Variants in EDARADD observed in about 807,000 individuals in gnomAD.
EDARADD encodes the protein ectodysplasin-A receptor-associated adapter protein.
Under a neutral mutation model 25.6 loss-of-function variants are expected in EDARADD, and 20 were observed. That is an observed-to-expected ratio of 0.78 (90% CI 0.55 to 1.14). The LOEUF (loss-of-function observed/expected upper bound fraction) is 1.14. Among genes scored for constraint, EDARADD ranks in the 50% most tolerant of loss-of-function variants. EDARADD has a pLI of 0.00. For synonymous variants in EDARADD, 86 were observed against 94.4 expected, an observed-to-expected ratio of 0.91 and a Z score of 0.52; for missense variants, 225 against 270.1, an observed-to-expected ratio of 0.83 and a Z score of 1.17.
chr1:236,453,475 G>A (rs577300134), intron 4 of EDARADD, among the ~76,000 whole-genome samples: 7 of 152,032 alleles, frequency 4.6e-5, no homozygotes, highest in East Asian at 3.9e-4. Context: ...ATGGGGTTTC[G>A]ACACATTGGC....
At position 236,479,085 on chromosome 1, in the gene EDARADD, G is replaced by A. The variant is rs145085937; in HGVS notation, c.266-3182G>A. Among the ~76,000 whole-genome samples the A allele has an allele frequency of 6.2e-4, 94 of 152,136 alleles. No individual in the cohort carries two copies. The East Asian group carries it at 9.1e-3, about 15-fold the overall frequency. On this transcript the variant is annotated intron_variant, in intron 5 of 5. Coordinates refer to ENST00000334232, the MANE Select transcript of EDARADD (RefSeq NM_145861.4). ...GCAGTGTATACTGCTCGGGTGATGG[G>A]TGCACCAAAATCTCATAAATCACCA...
chr1:236,417,872 T>C (rs1490121638), intron 3 of EDARADD, among the ~76,000 whole-genome samples: 4 of 152,148 alleles, frequency 2.6e-5, no homozygotes, highest in Non-Finnish European at 5.9e-5. Flanking sequence ...CCTGCTCTTT[T>C]CTTTGATTAT....
At chr1:236,348,839 G>A (rs947379406) in exon 2 of EDARADD, 2 of 152,138 alleles carry the variant, frequency 1.3e-5, no homozygotes, top group African/African-American at 4.8e-5. Flanking sequence ...CTCTCACTGA[G>A]TGCCCTATCA....
At chr1:236,402,963 C>T (rs1470935325) in intron 1 of EDARADD, among the ~76,000 whole-genome samples, 2 of 149,134 alleles carry the variant, frequency 1.3e-5, no homozygotes, top group African/African-American at 4.9e-5. Flanking sequence ...CTTGTCTTTT[C>T]TTTTTTTTTT....
At chr1:236,412,751 C>T (rs1364183264) in intron 2 of EDARADD, among the ~76,000 whole-genome samples, 1 of 152,220 alleles carries the variant, frequency 6.6e-6, no homozygotes, top group Non-Finnish European at 1.5e-5. Flanking sequence ...TTCTTCCATG[C>T]AGACTTTCAG....
chr1:236,394,593 T>A (rs1667481604), intron 1 of EDARADD, 88 bp downstream of exon 1: 2 of 1,172,520 alleles, frequency 1.7e-6, no homozygotes, highest in Non-Finnish European at 2.5e-6. Context: ...TTGGATATAT[T>A]ATACACTAAA....
At chr1:236,372,528 CTCT>C (rs1015918880) in intron 3 of EDARADD, among the ~76,000 whole-genome samples, 18 of 152,224 alleles carry the variant, frequency 1.2e-4, no homozygotes, top group African/African-American at 3.9e-4. Context: ...TTTGTAGTTT[CTCT>C]TCTTGTAACA....
In EDARADD at chr1:236,362,990, A is replaced by G. The variant is rs1360344283; in HGVS notation, c.-6+12151A>G. Among the ~76,000 whole-genome samples the G allele has an allele frequency of 1.4e-3, 85 of 61,702 alleles. 2 individuals carry two copies. The highest frequency in any genetic ancestry group is 3.8e-3 in the East Asian group (3 of 796). The allele number at this position is 61,702 out of a possible 152,430, so 40.5% of individuals were successfully genotyped here. A position where few individuals can be genotyped will look rare whatever the true frequency, so the allele number is the denominator to read the frequency against. ...AGACTCTGTCTTCTTTTTTTAAGAA[A>G]AAAAAAAAAAAAAAAAATATATATA... On this transcript the variant is annotated intron_variant, in intron 3 of 7. Transcript: ENST00000439430.
intron 3 of EDARADD, among the ~76,000 whole-genome samples, chr1:236,374,246 T>TTCCCTCCC (rs996313977): frequency 6.7e-6 from 1 of 149,962 alleles, no homozygotes; most frequent in African/African-American, 2.4e-5. Context: ...GCTAGGTCTG[T>TTCCCTCCC]TCCCTCCCTC....
intron 3 of EDARADD, 61 bp from the exon 4 acceptor site, chr1:236,427,331 G>A (rs940608588): frequency 2.6e-6 from 4 of 1,538,314 alleles, no homozygotes; most frequent in Non-Finnish European, 3.6e-6. Context: ...TTACACCACG[G>A]AGTGTGTGCT....
At chr1:236,453,464 G>A (rs1367441729) in intron 4 of EDARADD, among the ~76,000 whole-genome samples, 1 of 151,960 alleles carries the variant, frequency 6.6e-6, no homozygotes, top group Non-Finnish European at 1.5e-5. Context: ...TTCTAGTAGG[G>A]ATGGGGTTTC....
intron 5 of EDARADD, among the ~76,000 whole-genome samples, chr1:236,477,131 A>C (rs1459442124): frequency 2.0e-5 from 3 of 151,862 alleles, no homozygotes; most frequent in African/African-American, 7.3e-5. Flanking sequence ...TTTTTGTTAT[A>C]GATCCTTCCA....
chr1:236,476,573 T>C (rs948024554), intron 5 of EDARADD, among the ~76,000 whole-genome samples: 3 of 151,724 alleles, frequency 2.0e-5, no homozygotes, highest in African/African-American at 7.3e-5. Flanking sequence ...TTGCCTAGGC[T>C]GGAGTGCAGT....
At chr1:236,404,626 A>C (rs965875988) in intron 1 of EDARADD, among the ~76,000 whole-genome samples, 1 of 152,192 alleles carries the variant, frequency 6.6e-6, no homozygotes, top group Non-Finnish European at 1.5e-5. Context: ...CCGTCTCTAC[A>C]AAAAACAGAA....
chr1:236,450,281 A>G (rs1451694440), intron 4 of EDARADD, among the ~76,000 whole-genome samples: 1 of 151,020 alleles, frequency 6.6e-6, no homozygotes, highest in Non-Finnish European at 1.5e-5. Flanking sequence ...GCCACAGAGG[A>G]AGACTCTGTC....
intron 3 of EDARADD, among the ~76,000 whole-genome samples, chr1:236,382,395 T>C (rs1667311874): frequency 6.6e-6 from 1 of 152,206 alleles, no homozygotes; most frequent in African/African-American, 2.4e-5. Context: ...GGACTACAGT[T>C]ACAATAAAAG....
At chr1:236,363,030 T>TATATGTATAA (rs796610771) in intron 3 of EDARADD, among the ~76,000 whole-genome samples, 3 of 101,950 alleles carry the variant, frequency 2.9e-5, no homozygotes, top group Non-Finnish European at 3.8e-5. Context: ...TATATATATA[T>TATATGTATAA]ATAAAATTTG....
chr1:236,361,262 A>G (rs1667044348), intron 3 of EDARADD, among the ~76,000 whole-genome samples: 1 of 151,940 alleles, frequency 6.6e-6, no homozygotes, highest in Admixed American at 6.6e-5. Context: ...ACAATGATCT[A>G]CTTTATACCA....
chr1:236,379,190 T>G (rs1277849943), intron 3 of EDARADD, among the ~76,000 whole-genome samples: 1 of 145,642 alleles, frequency 6.9e-6, no homozygotes, highest in Non-Finnish European at 1.5e-5. Context: ...GCCAACATGG[T>G]GAAACCCTGT....
Sources: gnomAD v4.1 joint callset for allele counts (sites outside exome capture counted in the v4.1 genomes callset) on GRCh38, gnomAD v4.1.1 for gene constraint, MANE v1.5 for transcripts, NCBI Gene and HGNC (gene_info 2026-07-23, HGNC 2026-07-21) for gene names.